Variants in GNAL observed in about 807,000 individuals in gnomAD.
GNAL encodes guanine nucleotide-binding protein G(olf) subunit alpha.
In GNAL, 18 loss-of-function variants were observed where a neutral mutation model predicts 55.1. The ratio of observed to expected loss-of-function variants is 0.33; its 90% CI spans 0.23 to 0.48. The LOEUF is 0.48. GNAL is among the 20% of genes least tolerant of loss of function. The pLI is 0.99. For missense variants in GNAL, 412 were observed against 614.1 expected (o/e 0.67, Z 3.48); for synonymous variants, 253 against 237.0 (o/e 1.07, Z -0.62).
At chr18:11,824,416 G>A (rs2035186492) in intron 4 of GNAL, among the ~76,000 whole-genome samples, 1 of 152,086 alleles carries the variant, frequency 6.6e-6, no homozygotes, top group South Asian at 2.1e-4. Flanking sequence ...GGCCAGGCAC[G>A]GTGGCTCACG....
At chr18:11,863,842 A>G (rs2036201397) in intron 6 of GNAL, among the ~76,000 whole-genome samples, 1 of 152,200 alleles carries the variant, frequency 6.6e-6, no homozygotes, top group South Asian at 2.1e-4. Context: ...GCAGAGTTAC[A>G]CTTCCTTTGG....
At chr18:11,844,199 C>A (rs2035681461) in intron 5 of GNAL, among the ~76,000 whole-genome samples, 2 of 152,016 alleles carry the variant, frequency 1.3e-5, no homozygotes, top group African/African-American at 2.4e-5. Flanking sequence ...TTTGAGAGGC[C>A]GAGGCAGGCA....
chr18:11,847,665 T>C (rs886486334), intron 5 of GNAL, among the ~76,000 whole-genome samples: 2 of 152,170 alleles, frequency 1.3e-5, no homozygotes, highest in African/African-American at 2.4e-5. Context: ...AATTTGGCTA[T>C]GGGACTTGCA....
At chr18:11,734,131 CTTTTCTTTTTCT>C (rs993769781) in intron 1 of GNAL, among the ~76,000 whole-genome samples, 11 of 150,408 alleles carry the variant, frequency 7.3e-5, no homozygotes, top group Admixed American at 6.6e-5. Flanking sequence ...GAGCAATAAG[CTTTTCTTTTTCT>C]TTTTCTTTTT....
intron 4 of GNAL, among the ~76,000 whole-genome samples, chr18:11,792,264 C>T (rs1487809486): frequency 6.6e-6 from 1 of 152,082 alleles, no homozygotes; most frequent in African/African-American, 2.4e-5. Context: ...CAGCTTACTG[C>T]AACTTCTACC....
chr18:11,869,618 A>G (rs2036347941), intron 9 of GNAL, among the ~76,000 whole-genome samples: 1 of 152,224 alleles, frequency 6.6e-6, no homozygotes. Flanking sequence ...GCAGTACAAC[A>G]ACAAAAAATA....
At chr18:11,765,542 T>G (rs1483815453) in intron 4 of GNAL, among the ~76,000 whole-genome samples, 1 of 152,200 alleles carries the variant, frequency 6.6e-6, no homozygotes, top group African/African-American at 2.4e-5. Context: ...TTGTGCCCGT[T>G]GATCATTCTC....
chr18:11,746,229 T>A, intron 1 of GNAL: 1 of 503,578 alleles, frequency 2.0e-6, no homozygotes. Flanking sequence ...CTGCATGCCT[T>A]CTGTAACAAT....
In GNAL at chr18:11,851,509, A is replaced by G. The variant is rs773964251; in HGVS notation, c.723-10886A>G. ...GCCGCCGACCCAAAGGAGCCGTCCG[A>G]CTATGTCTAACATGGAGAAACACCT... On this transcript the variant is annotated intron_variant, in intron 5 of 11. Transcript: ENST00000334049. 2.6e-6 allele frequency: 4 copies of G among 1,564,734 alleles called. No homozygotes were observed. In the East Asian group the frequency reaches 9.2e-5, roughly 36 times the overall value.
At chr18:11,859,222 G>A (rs555824910) in intron 5 of GNAL, among the ~76,000 whole-genome samples, 10 of 151,988 alleles carry the variant, frequency 6.6e-5, no homozygotes, top group Non-Finnish European at 1.0e-4. Context: ...CAAAAGTTGC[G>A]ACCATTTCTG....
chr18:11,750,332 G>T (rs962347556), intron 1 of GNAL, among the ~76,000 whole-genome samples: 1 of 152,162 alleles, frequency 6.6e-6, no homozygotes, highest in Non-Finnish European at 1.5e-5. Context: ...GCGGCACCGT[G>T]GGGGCGGTGT....
chr18:11,876,802 GATGACAAAGGGT>G, intron 11 of GNAL, 114 bp downstream of exon 11: 1 of 729,482 alleles, frequency 1.4e-6, no homozygotes, highest in East Asian at 2.5e-5. Context: ...CATTACGAGC[GATGACAAAGGGT>G]ATGTTACTTT....
intron 1 of GNAL, among the ~76,000 whole-genome samples, chr18:11,692,461 A>G (rs967829862): frequency 6.6e-6 from 1 of 152,226 alleles, no homozygotes; most frequent in African/African-American, 2.4e-5. Context: ...CCTCCAGAAT[A>G]TCGCAGAGCA....
chr18:11,700,407 C>T (rs566302282), intron 1 of GNAL, among the ~76,000 whole-genome samples: 2 of 152,342 alleles, frequency 1.3e-5, no homozygotes, highest in South Asian at 2.1e-4. Flanking sequence ...TCCTGCAGGC[C>T]GTTTGGCTTG....
intron 1 of GNAL, among the ~76,000 whole-genome samples, chr18:11,726,290 C>T (rs1273888170): frequency 6.6e-6 from 1 of 152,210 alleles, no homozygotes; most frequent in Non-Finnish European, 1.5e-5. Flanking sequence ...TTTAATAGGC[C>T]TTGGTGAACA....
rs888841174 is a variant in GNAL, at chr18:11,791,386, G to T, written c.625-33532G>T. 2.9e-4 allele frequency among the ~76,000 whole-genome samples: 44 copies of T among 152,196 alleles called. 2 individuals carry two copies. Among genetic ancestry groups the T allele is most frequent in the Non-Finnish European group, 2.9e-5 (2 of 68,036 alleles). On this transcript the variant is annotated intron_variant, in intron 4 of 11. Transcript: ENST00000334049. The stretch of plus-strand genomic sequence containing the variant: ...GGCTCCCCTGTTGAGCAGTGAAGAC[G>T]CCTGGGTTAGGGGGTGAAACCAGAG...
At chr18:11,796,286 C>G (rs1022455297) in intron 4 of GNAL, among the ~76,000 whole-genome samples, 22 of 152,046 alleles carry the variant, frequency 1.4e-4, no homozygotes, top group Non-Finnish European at 1.6e-4. Context: ...AAGATAAAAC[C>G]TTTCCACTGG....
intron 4 of GNAL, among the ~76,000 whole-genome samples, chr18:11,814,714 T>C (rs981912242): frequency 2.0e-5 from 3 of 151,700 alleles, no homozygotes; most frequent in Non-Finnish European, 4.4e-5. Context: ...CTGACCAACA[T>C]GGCGAAACGC....
intron 4 of GNAL, among the ~76,000 whole-genome samples, chr18:11,765,944 C>T (rs2033393257): frequency 1.3e-5 from 2 of 152,312 alleles, no homozygotes; most frequent in African/African-American, 4.8e-5. Flanking sequence ...TTGCTCTTTT[C>T]AGAAGAATAT....
Sources: allele counts gnomAD v4.1 joint callset (sites outside exome capture counted in the v4.1 genomes callset), GRCh38; gene constraint gnomAD v4.1.1; transcripts MANE v1.5; gene names NCBI Gene and HGNC (gene_info 2026-07-23, HGNC 2026-07-21).